Variants in OPN3 observed in about 807,000 individuals in gnomAD.
OPN3 encodes opsin 3.
In OPN3, 29 loss-of-function variants were observed where a neutral mutation model predicts 33.8. The ratio of observed to expected loss-of-function variants is 0.86; its 90% CI spans 0.64 to 1.17. The LOEUF (loss-of-function observed/expected upper bound fraction) is 1.17, where lower values mean the gene tolerates loss of function less well. OPN3 is among the 50% of genes most tolerant of loss of function. The pLI is 0.00. For synonymous variants in OPN3, 216 were observed against 216.1 expected, an observed-to-expected ratio of 1.00 and a Z score of 0.00; for missense variants, 437 against 514.1, an observed-to-expected ratio of 0.85 and a Z score of 1.45.
intron 1 of OPN3, among the ~76,000 whole-genome samples, chr1:241,612,241 T>C (rs1052061456): frequency 6.6e-6 from 1 of 152,216 alleles, no homozygotes; most frequent in Non-Finnish European, 1.5e-5. Flanking sequence ...AATACCTGTC[T>C]TGTGGTCTTC....
intron 1 of OPN3, among the ~76,000 whole-genome samples, chr1:241,637,135 A>G (rs1664928801): frequency 2.6e-5 from 4 of 152,210 alleles, no homozygotes; most frequent in Admixed American, 2.0e-4. Flanking sequence ...AAACTTTCTA[A>G]TATTCATCAT....
chr1:241,604,426 C>T lies in OPN3; in HGVS notation c.527G>A (p.Trp176Ter). 6.2e-7 allele frequency: 1 copy of T among 1,614,142 alleles called. No homozygotes were observed. Among genetic ancestry groups the T allele is most frequent in the Non-Finnish European group, 8.5e-7 (1 of 1,180,032 alleles). Residue 176 changes from tryptophan (W) to a stop codon, truncating the protein, a stop_gained, in exon 2 of 4, where the codon TGG (tryptophan) becomes TAG (stop). Transcript: ENST00000366554. LOFTEE classifies it high-confidence loss of function. ...GTGTACGTCCAGGATGTACCTGTTCCATCCCAGGAGAGGTGCTCCTGCCCA... is the reference window on the plus strand; with the variant it reads ...GTGTACGTCCAGGATGTACCTGTTCTATCCCAGGAGAGGTGCTCCTGCCCA... ...LAWAGAPLLG[W>*]NRYILDVHGL...
Position 241,597,932 on chromosome 1 carries a change from C to T in OPN3, c.759G>A (p.Leu253=). Residue 253 remains leucine, a synonymous_variant, in exon 3 of 4, where the codon CTG becomes CTA. Transcript: ENST00000366554. ...ATATCATTAAAAAGCACATTTTGGCCAGTTTCTTTTCATATTTTAAAATCT... is the reference window on the plus strand; with the variant it reads ...ATATCATTAAAAAGCACATTTTGGCTAGTTTCTTTTCATATTTTAAAATCT... ...VIKILKYEKK[L]AKMCFLMIFT... 1 of 1,613,614 alleles carries T rather than the reference C, an allele frequency of 6.2e-7. No homozygotes were observed. The highest frequency in any genetic ancestry group is 8.5e-7 in the Non-Finnish European group (1 of 1,179,912).
At chr1:241,635,780 A>G (rs1462966927) in intron 1 of OPN3, 1 of 1,601,042 alleles carries the variant, frequency 6.2e-7, no homozygotes, top group East Asian at 2.2e-5. Context: ...AGGAAGTAAC[A>G]GCGTCTGGTG....
chr1:241,631,340 T>C (rs1171410543), intron 1 of OPN3: 1 of 152,124 alleles, frequency 6.6e-6, no homozygotes, highest in Non-Finnish European at 1.5e-5. Flanking sequence ...ATGAATAATC[T>C]GTGATACTGA....
chr1:241,597,947 T>C lies in OPN3; in HGVS notation c.744A>G (p.Lys248=), dbSNP rs745853925. 6 of 1,613,868 alleles carry C rather than the reference T, an allele frequency of 3.7e-6. No individual in the cohort carries two copies. The highest frequency in any genetic ancestry group is 5.1e-6 in the Non-Finnish European group (6 of 1,179,954). ...ACATTTTGGCCAGTTTCTTTTCATA[T>C]TTTAAAATCTTGATCACTTGAATTG... ...LQTIQVIKIL[K]YEKKLAKMCF... Residue 248 remains lysine (K), a synonymous_variant, in exon 3 of 4, where the codon AAA becomes AAG. Transcript: ENST00000366554.
intron 1 of OPN3, chr1:241,634,813 C>T: frequency 1.2e-6 from 2 of 1,613,440 alleles, no homozygotes; most frequent in Non-Finnish European, 8.5e-7. Context: ...ATGAACACTG[C>T]CTGAAAGCTT....
intron 1 of OPN3, among the ~76,000 whole-genome samples, chr1:241,627,746 C>A (rs1664462214): frequency 6.6e-6 from 1 of 152,100 alleles, no homozygotes; most frequent in South Asian, 2.1e-4. Flanking sequence ...CTACAAATAC[C>A]TCTTTATAAT....
At chr1:241,633,721 G>A (rs1664740846) in intron 1 of OPN3, 18 of 1,502,168 alleles carry the variant, frequency 1.2e-5, no homozygotes, top group Non-Finnish European at 1.6e-5. Flanking sequence ...TACTCATATG[G>A]GAAACTGTCC....
At position 241,637,027 on chromosome 1, in the gene OPN3, A is replaced by G. The variant is rs79683677; in HGVS notation, c.373+2855T>C. Reference sequence around the variant, plus strand: ...GCTGGTTACATTCCATGTGCGGAAGACATCTGTGTGATGCCCTGTGTGGCC... The same window carrying G: ...GCTGGTTACATTCCATGTGCGGAAGGCATCTGTGTGATGCCCTGTGTGGCC... On this transcript the variant is annotated intron_variant, in intron 1 of 3. Coordinates refer to ENST00000366554, the MANE Select transcript of OPN3 (RefSeq NM_014322.3). Among the ~76,000 whole-genome samples, 133 of 152,334 alleles carry G rather than the reference A, an allele frequency of 8.7e-4. No individual in the cohort carries two copies. In the East Asian group the frequency reaches 0.024, roughly 28 times the overall value.
intron 1 of OPN3, among the ~76,000 whole-genome samples, chr1:241,627,064 T>C (rs1004255367): frequency 2.0e-5 from 3 of 152,146 alleles, no homozygotes; most frequent in African/African-American, 7.2e-5. Flanking sequence ...TAAATATATA[T>C]TTAGCAACAA....
intron 1 of OPN3, among the ~76,000 whole-genome samples, chr1:241,627,594 T>C (rs1664457242): frequency 6.6e-6 from 1 of 152,200 alleles, no homozygotes; most frequent in South Asian, 2.1e-4. Flanking sequence ...TGTTGTCATA[T>C]ATTTTTGTTA....
At chr1:241,609,627 T>C (rs1239111082) in intron 1 of OPN3, among the ~76,000 whole-genome samples, 2 of 152,220 alleles carry the variant, frequency 1.3e-5, no homozygotes, top group African/African-American at 4.8e-5. Context: ...TAAGATGATA[T>C]GTGATCATAT....
Position 241,640,328 on chromosome 1 carries a change from GTGGGGT to G in OPN3, c.-80_-75del. 9.2e-7 allele frequency: 1 copy of G among 1,085,390 alleles called. No individual in the cohort carries two copies. Among genetic ancestry groups the G allele is most frequent in the African/African-American group, 1.7e-5 (1 of 59,470 alleles). 67.2% of individuals were successfully genotyped at this position (1,085,390 alleles called of 1,614,324 possible). A position where few individuals can be genotyped will look rare whatever the true frequency, so the allele number is the denominator to read the frequency against. ...GGGCTCGCGGCGCGCTCCGCACTGG[GTGGGGT>G]TGGGGCTCCGCCGCCTGCTCTAGCC... On this transcript the variant is annotated 5_prime_UTR_variant, in exon 1 of 4. Transcript: ENST00000366554.
intron 1 of OPN3, among the ~76,000 whole-genome samples, chr1:241,617,630 G>A (rs771520758): frequency 1.3e-5 from 2 of 152,196 alleles, no homozygotes; most frequent in African/African-American, 4.8e-5. Flanking sequence ...CAAATGGAGA[G>A]CACGGAAACA....
chr1:241,624,660 C>T (rs559216393), intron 1 of OPN3, among the ~76,000 whole-genome samples: 3 of 152,174 alleles, frequency 2.0e-5, no homozygotes, highest in Non-Finnish European at 4.4e-5. Flanking sequence ...AACATTAATA[C>T]CTACCTCACA....
chr1:241,604,644 A>G, intron 1 of OPN3, 65 bp from the exon 2 acceptor site: 2 of 1,398,546 alleles, frequency 1.4e-6, no homozygotes, highest in African/African-American at 1.4e-5. Flanking sequence ...AAGAGACGTG[A>G]TACATTCTCC....
chr1:241,603,060 G>A (rs188701509), intron 2 of OPN3, among the ~76,000 whole-genome samples: 5 of 152,234 alleles, frequency 3.3e-5, no homozygotes, highest in Admixed American at 3.3e-4. Flanking sequence ...ATGCTAAAGG[G>A]AAAGGGCCAG....
At chr1:241,615,053 G>T (rs1664090556) in intron 1 of OPN3, among the ~76,000 whole-genome samples, 1 of 152,148 alleles carries the variant, frequency 6.6e-6, no homozygotes, top group Admixed American at 6.5e-5. Flanking sequence ...TGCAAAAAAG[G>T]ATCATTATTA....
Sources: gnomAD v4.1 joint callset for allele counts (sites outside exome capture counted in the v4.1 genomes callset) on GRCh38, gnomAD v4.1.1 for gene constraint, MANE v1.5 for transcripts, NCBI Gene and HGNC (gene_info 2026-07-23, HGNC 2026-07-21) for gene names.